BMX: variants seen among roughly 807,000 people sequenced by gnomAD.
The protein encoded by BMX is cytoplasmic tyrosine-protein kinase BMX.
A neutral mutation model predicts 59.2 loss-of-function variants in BMX; 31 were observed. The ratio of observed to expected loss-of-function variants is 0.52; its 90% CI spans 0.39 to 0.71. The LOEUF (loss-of-function observed/expected upper bound fraction) is 0.71, where lower values mean the gene tolerates loss of function less well. Among genes scored for constraint, BMX ranks in the 30% least tolerant of loss-of-function variants. The probability of loss-of-function intolerance (pLI) is 0.00; values close to 1 mark genes in which losing one functional copy is unlikely to be tolerated. For missense variants in BMX, 474 were observed against 491.7 expected (o/e 0.96, Z 0.34); for synonymous variants, 185 against 181.0 (o/e 1.02, Z -0.18).
At chrX:15,546,662 C>T (rs746734404) in intron 16 of BMX, 141 bp from the exon 17 acceptor site, 579 of 433,570 alleles carry the variant, frequency 1.3e-3, no homozygotes, top group Non-Finnish European at 1.8e-3. Flanking sequence ...TAAGCAGCCT[C>T]CAGCTAAGCC....
At chrX:15,517,552 A>G (rs1022864748) in intron 5 of BMX, among the ~76,000 whole-genome samples, 5 of 112,390 alleles carry the variant, frequency 4.4e-5, no homozygotes, top group Non-Finnish European at 9.4e-5. Context: ...GAGGAAAACT[A>G]CAGAGTGTAG....
rs193294427 is a variant in BMX at position 15,504,135 on chromosome X, T to G, written c.-10+3195T>G. On this transcript the variant is annotated intron_variant, in intron 1 of 18. Transcript: ENST00000348343. Reference sequence around the variant, plus strand: ...TTCTAAAATACCTTACTTGGCTACCTTAAGGAAAAAACAACTTTTCCTTCC... The same window carrying G: ...TTCTAAAATACCTTACTTGGCTACCGTAAGGAAAAAACAACTTTTCCTTCC... Among the ~76,000 whole-genome samples, 181 of 112,259 alleles carry G rather than the reference T, an allele frequency of 1.6e-3. 2 individuals are homozygous for G. The highest frequency in any genetic ancestry group is 2.3e-3 in the Non-Finnish European group (120 of 53,203).
chrX:15,536,066 C>G (rs748311252), intron 12 of BMX, among the ~76,000 whole-genome samples: 18 of 111,519 alleles, frequency 1.6e-4, no homozygotes, highest in Admixed American at 9.5e-5. Flanking sequence ...AAAGAGATAG[C>G]AAAAAAGAAG....
In BMX at chrX:15,536,370, C is replaced by T. The variant is rs887128750; in HGVS notation, c.1165C>T (p.Arg389Cys). The T allele has an allele frequency of 9.1e-6, 11 of 1,209,305 alleles. No individual in the cohort carries two copies. Among genetic ancestry groups the T allele is most frequent in the South Asian group, 1.8e-5 (1 of 56,676 alleles). ...HNSAGMITRL[R>C]HPVSTKANKV... Reference sequence around the variant, plus strand: ...CATTGCAGGCATGATCACACGGCTCCGCCACCCTGTGTCAACAAAGGCCAA... The same window carrying T: ...CATTGCAGGCATGATCACACGGCTCTGCCACCCTGTGTCAACAAAGGCCAA... The change falls in exon 13 of 19, where the codon CGC becomes TGC. Residue 389 changes from arginine (R) to cysteine (C), a missense_variant. Coordinates refer to ENST00000348343, the MANE Select transcript of BMX (RefSeq NM_203281.3).
At chrX:15,537,352 G>T in intron 14 of BMX, 47 bp downstream of exon 14, 1 of 1,184,113 alleles carries the variant, frequency 8.4e-7, no homozygotes, top group Non-Finnish European at 1.1e-6. Flanking sequence ...TCATGGGAGG[G>T]CATTAGCACT....
At chrX:15,515,999 G>T in intron 4 of BMX, 113 bp from the exon 5 acceptor site, 1 of 1,017,842 alleles carries the variant, frequency 9.8e-7, no homozygotes, top group Non-Finnish European at 1.3e-6. Context: ...CTCTTACCTT[G>T]GTTGCTGGCC....
At chrX:15,501,707 G>A (rs1413683941) in intron 1 of BMX, among the ~76,000 whole-genome samples, 2 of 111,865 alleles carry the variant, frequency 1.8e-5, no homozygotes, top group Non-Finnish European at 3.8e-5. Flanking sequence ...TGATGCAAGT[G>A]CACGGACCAC....
chrX:15,542,040 A>G lies in BMX; in HGVS notation c.1453A>G (p.Ile485Val). The change falls in exon 15 of 19, where the codon ATA becomes GTA. Residue 485 changes from isoleucine (I) to valine (V), a missense_variant. Transcript: ENST00000348343. ...FYGVCSKEYP[I>V]YIVTEYISNG... ...TGGAGTGTGTTCAAAGGAATACCCC[A>G]TATACATAGTGACTGAATATATAAG... 24 of 1,211,191 alleles carry G rather than the reference A, an allele frequency of 2.0e-5. No individual in the cohort carries two copies. Among genetic ancestry groups the G allele is most frequent in the Non-Finnish European group, 2.7e-5 (24 of 895,258 alleles).
intron 11 of BMX, 134 bp downstream of exon 11, chrX:15,531,541 T>A: frequency 1.8e-6 from 1 of 569,870 alleles, no homozygotes; most frequent in Non-Finnish European, 2.8e-6. Flanking sequence ...CTATTGAATG[T>A]GACCATTTGT....
intron 10 of BMX, 110 bp from the exon 11 acceptor site, chrX:15,531,218 T>C (rs1351886718): frequency 3.3e-6 from 2 of 604,628 alleles, no homozygotes; most frequent in Non-Finnish European, 5.4e-6. Flanking sequence ...CCTTTTGTGA[T>C]ATATAAAGTC....
At chrX:15,508,294 G>T (rs1297443705) in intron 1 of BMX, 51 bp from the exon 2 acceptor site, 15 of 914,730 alleles carry the variant, frequency 1.6e-5, no homozygotes, top group Non-Finnish European at 2.1e-5. Flanking sequence ...AGGTTAAAGA[G>T]AACTTACCTA....
chrX:15,555,457 C>T (rs1229289806), intron 18 of BMX, among the ~76,000 whole-genome samples: 1 of 110,721 alleles, frequency 9.0e-6, no homozygotes, highest in Non-Finnish European at 1.9e-5. Context: ...GATCCACTCA[C>T]CTCAGCCTCC....
At chrX:15,541,178 TTAAA>T (rs1214397169) in intron 14 of BMX, among the ~76,000 whole-genome samples, 1 of 111,852 alleles carries the variant, frequency 8.9e-6, no homozygotes. Context: ...TTGATATTAC[TTAAA>T]TTAATAAGAA....
At chrX:15,538,678 G>A (rs1039216107) in intron 14 of BMX, among the ~76,000 whole-genome samples, 5 of 111,659 alleles carry the variant, frequency 4.5e-5, no homozygotes, top group African/African-American at 1.6e-4. Context: ...GTCCAGAGTC[G>A]GCAAGCTAGT....
At chrX:15,536,563 G>A in intron 13 of BMX, 136 bp downstream of exon 13, 3 of 459,331 alleles carry the variant, frequency 6.5e-6, no homozygotes, top group East Asian at 4.2e-5. Context: ...GTATCAGGAA[G>A]GATTTTCTTT....
At chrX:15,541,910 G>C (rs1306056542) in intron 14 of BMX, 72 bp from the exon 15 acceptor site, 4 of 971,564 alleles carry the variant, frequency 4.1e-6, no homozygotes, top group Non-Finnish European at 4.4e-6. Context: ...AGAAATCTGA[G>C]AGCAACTCTT....
intron 14 of BMX, among the ~76,000 whole-genome samples, chrX:15,541,411 A>T (rs1281960806): frequency 9.0e-6 from 1 of 111,431 alleles, no homozygotes; most frequent in Admixed American, 9.6e-5. Flanking sequence ...ATCATGACCT[A>T]CCAGAAGTGC....
intron 6 of BMX, 46 bp from the exon 7 acceptor site, chrX:15,522,300 A>C: frequency 1.7e-6 from 2 of 1,193,779 alleles, no homozygotes; most frequent in Non-Finnish European, 2.3e-6. Flanking sequence ...CCGGTACCTG[A>C]ATCTGTGCCT....
In BMX at chrX:15,537,193, T is replaced by G. The variant is rs1354521022; in HGVS notation, c.1282T>G (p.Phe428Val). 8.3e-7 allele frequency: 1 copy of G among 1,210,367 alleles called. No homozygotes were observed. The highest frequency in any genetic ancestry group is 1.7e-5 in the African/African-American group (1 of 57,503). The change falls in exon 14 of 19, where the codon TTT becomes GTT. Residue 428 changes from phenylalanine to valine, a missense_variant. By Grantham distance (50) the Phe-to-Val change is conservative (BLOSUM62 -1). Transcript: ENST00000348343. ...GTTGAAGGAGCTGGGAAGTGGCCAG[T>G]TTGGAGTGGTCCAGCTGGGCAAGTG... ...TLLKELGSGQ[F>V]GVVQLGKWKG...
Sources: allele counts gnomAD v4.1 joint callset (sites outside exome capture counted in the v4.1 genomes callset), GRCh38; gene constraint gnomAD v4.1.1; transcripts MANE v1.5; gene names NCBI Gene and HGNC (gene_info 2026-07-23, HGNC 2026-07-21).